The following RUFY3 variants were observed in gnomAD, a reference collection of about 807,000 sequenced individuals.
RUFY3 encodes protein RUFY3.
A neutral mutation model predicts 84.0 loss-of-function variants in RUFY3; 34 were observed. The ratio of observed to expected loss-of-function variants is 0.40; its 90% CI spans 0.31 to 0.54. The LOEUF (loss-of-function observed/expected upper bound fraction) is 0.54, where lower values mean the gene tolerates loss of function less well. Ranked by LOEUF, RUFY3 falls within the 20% of genes least tolerant of loss-of-function variation. The pLI is 0.39. For missense variants in RUFY3, 507 were observed against 736.8 expected, an observed-to-expected ratio of 0.69 and a Z score of 3.61; for synonymous variants, 242 against 252.9, an observed-to-expected ratio of 0.96 and a Z score of 0.41.
chr4:70,803,522 C>T (rs1390855734), intron 16 of RUFY3, among the ~76,000 whole-genome samples: 1 of 151,604 alleles, frequency 6.6e-6, no homozygotes, highest in Non-Finnish European at 1.5e-5. Flanking sequence ...TGGACGATCT[C>T]AGCTCACTGA....
intron 1 of RUFY3, among the ~76,000 whole-genome samples, chr4:70,733,353 T>C (rs1159245543): frequency 6.6e-6 from 1 of 152,200 alleles, no homozygotes; most frequent in Non-Finnish European, 1.5e-5. Context: ...ATACGTAGTA[T>C]TGATAAAAAT....
chr4:70,775,192 G>A lies in RUFY3; in HGVS notation c.783G>A (p.Leu261=). Reference sequence around the variant, plus strand: ...GAGACGGTCAGATTACTGCAATTCTGGACCAGAAGAACTATGTAGAAGAAC... The same window carrying A: ...GAGACGGTCAGATTACTGCAATTCTAGACCAGAAGAACTATGTAGAAGAAC... ...TEGDGQITAI[L]DQKNYVEELN... Residue 261 remains leucine, a synonymous_variant, in exon 7 of 18, where the codon CTG becomes CTA. Coordinates refer to ENST00000381006, the MANE Select transcript of RUFY3 (RefSeq NM_001037442.4). 6.3e-7 allele frequency: 1 copy of A among 1,598,758 alleles called. No homozygotes were observed. The highest frequency in any genetic ancestry group is 8.5e-7 in the Non-Finnish European group (1 of 1,170,188).
chr4:70,775,658 A>G (rs938892889), intron 7 of RUFY3, among the ~76,000 whole-genome samples: 5 of 152,164 alleles, frequency 3.3e-5, no homozygotes, highest in Admixed American at 3.3e-4. Flanking sequence ...TAAATTAATC[A>G]TATCGTCCAG....
Position 70,768,625 on chromosome 4 carries a change from C to T in RUFY3, c.660C>T (p.Ala220=). 6.2e-7 allele frequency: 1 copy of T among 1,613,870 alleles called. No homozygotes were observed. Among genetic ancestry groups the T allele is most frequent in the Non-Finnish European group, 8.5e-7 (1 of 1,179,948 alleles). ...GLLVGLNVID[A]NFCMKGEDLD... is the part of the protein sequence containing the mutation. ...TGGTGGGTCTGAATGTCATTGATGC[C>T]AATTTCTGTATGAAAGGAGAAGACT... The change falls in exon 5 of 18, where the codon GCC becomes GCT. Residue 220 remains alanine (A), a synonymous_variant. Transcript: ENST00000381006.
Position 70,807,584 on chromosome 4 carries a change from A to AAT in RUFY3, c.*926_*927dup, listed in dbSNP as rs1222466280. Among the ~76,000 whole-genome samples, 4 of 152,052 alleles carry AAT rather than the reference A, an allele frequency of 2.6e-5. No individual in the cohort carries two copies. The highest frequency in any genetic ancestry group is 9.7e-5 in the African/African-American group (4 of 41,382). ...TGCACAAGCTGGAGGGCAGTAGTGC[A>AAT]ATCACAGCTCACTGAATCCCTGTTC... is the stretch of plus-strand genomic sequence containing the variant. On this transcript the variant is annotated 3_prime_UTR_variant, in exon 18 of 18. Transcript: ENST00000381006.
chr4:70,713,306 AG>A (rs1446898519), intron 1 of RUFY3, among the ~76,000 whole-genome samples: 1 of 152,232 alleles, frequency 6.6e-6, no homozygotes, highest in Admixed American at 6.5e-5. Context: ...TACAGGCGTG[AG>A]CCACCATGCC....
chr4:70,746,879 G>C (rs1340662254), intron 1 of RUFY3, among the ~76,000 whole-genome samples: 1 of 152,176 alleles, frequency 6.6e-6, no homozygotes, highest in Non-Finnish European at 1.5e-5. Flanking sequence ...TTAGTGGTTG[G>C]CATGGGTTGA....
intron 1 of RUFY3, among the ~76,000 whole-genome samples, chr4:70,745,420 G>C (rs1305742875): frequency 6.6e-6 from 1 of 152,068 alleles, no homozygotes; most frequent in African/African-American, 2.4e-5. Flanking sequence ...AAACTCACTA[G>C]GGAAATTATG....
rs770232006 is a variant in RUFY3, at chr4:70,783,049, T to C, written c.895-42T>C. 49 of 1,236,008 alleles carry C rather than the reference T, an allele frequency of 4.0e-5. 1 individual carries two copies. The highest frequency in any genetic ancestry group is 3.4e-4 in the South Asian group (25 of 73,650). 76.6% of individuals were successfully genotyped at this position (1,236,008 alleles called of 1,614,324 possible). A position where few individuals can be genotyped will look rare whatever the true frequency, so the allele number is the denominator to read the frequency against. On this transcript the variant is annotated intron_variant, in intron 8 of 17. Transcript: ENST00000381006. ...CGTGAATTATCTTATACTATGTTAA[T>C]TTTAAAAAGATAAAAGATTATTTTT...
At chr4:70,713,504 G>T (rs1741228349) in intron 1 of RUFY3, among the ~76,000 whole-genome samples, 4 of 151,948 alleles carry the variant, frequency 2.6e-5, no homozygotes. Flanking sequence ...TATCTGACAT[G>T]CTCCCTACCG....
In RUFY3 at chr4:70,763,670, G is replaced by GT; in HGVS notation, c.470+2dup. On this transcript the variant is annotated splice_donor_variant, in intron 3 of 17. Coordinates refer to ENST00000381006, the MANE Select transcript of RUFY3 (RefSeq NM_001037442.4). LOFTEE classifies it high-confidence loss of function. ...GTGTTAAAGATCTTCCAGGACTTAA[G>GT]TAAGTCTAAGGTTGAATTCCATTTC... The GT allele has an allele frequency of 6.2e-7, 1 of 1,610,206 alleles. No homozygotes were observed. The highest frequency in any genetic ancestry group is 8.5e-7 in the Non-Finnish European group (1 of 1,178,688).
At chr4:70,706,517 G>A (rs1039236803) in intron 1 of RUFY3, among the ~76,000 whole-genome samples, 4 of 152,314 alleles carry the variant, frequency 2.6e-5, no homozygotes, top group Admixed American at 2.6e-4. Flanking sequence ...CCAAGTAACA[G>A]CTTAAGAGAA....
At chr4:70,805,081 A>G (rs899681469) in intron 17 of RUFY3, among the ~76,000 whole-genome samples, 1 of 152,244 alleles carries the variant, frequency 6.6e-6, no homozygotes, top group Admixed American at 6.5e-5. Context: ...TGTCAAGCTT[A>G]TGTCCTTCAT....
chr4:70,800,839 G>A lies in RUFY3; in HGVS notation c.1622+634G>A, dbSNP rs373300109. 9.2e-5 allele frequency among the ~76,000 whole-genome samples: 14 copies of A among 152,106 alleles called. No individual in the cohort carries two copies. The East Asian group carries it at 2.1e-3, about 23-fold the overall frequency. On this transcript the variant is annotated intron_variant, in intron 15 of 17. Transcript: ENST00000381006. ...AGAGGTTGCAGTGAGCCAAGATAGC[G>A]CCACTGCACTCCAGCCTGGGCAATA...
At chr4:70,796,510 C>A (rs769681353) in intron 14 of RUFY3, among the ~76,000 whole-genome samples, 7 of 152,194 alleles carry the variant, frequency 4.6e-5, no homozygotes, top group Non-Finnish European at 1.0e-4. Flanking sequence ...CTTTTGTCTG[C>A]AGCTGATACG....
chr4:70,740,580 T>TG (rs1378573352), intron 1 of RUFY3, among the ~76,000 whole-genome samples: 2 of 152,190 alleles, frequency 1.3e-5, no homozygotes, highest in Admixed American at 1.3e-4. Flanking sequence ...TCTATTGACT[T>TG]TTGCAAGGTC....
At chr4:70,747,372 A>G (rs1722395937) in intron 1 of RUFY3, among the ~76,000 whole-genome samples, 2 of 152,214 alleles carry the variant, frequency 1.3e-5, no homozygotes, top group Admixed American at 6.5e-5. Context: ...CTTACTATAT[A>G]GGACATTAAA....
intron 1 of RUFY3, chr4:70,741,824 T>A (rs1721365628): frequency 5.4e-6 from 3 of 558,520 alleles, no homozygotes; most frequent in Non-Finnish European, 8.5e-6. Flanking sequence ...AATGTTTTGG[T>A]TCCAAGTAAA....
At chr4:70,752,349 A>C (rs897153378) in intron 1 of RUFY3, among the ~76,000 whole-genome samples, 11 of 152,048 alleles carry the variant, frequency 7.2e-5, no homozygotes, top group Non-Finnish European at 1.5e-4. Flanking sequence ...TTTTATATAC[A>C]AGATCATGTC....
Sources: allele counts gnomAD v4.1 joint callset (sites outside exome capture counted in the v4.1 genomes callset), GRCh38; gene constraint gnomAD v4.1.1; transcripts MANE v1.5; gene names NCBI Gene and HGNC (gene_info 2026-07-23, HGNC 2026-07-21).